Variants in TMEM132C observed in about 807,000 individuals in gnomAD.
TMEM132C encodes the protein protein phosphatase 1, regulatory subunit 152.
Under a neutral mutation model 61.4 loss-of-function variants are expected in TMEM132C, and 29 were observed. The ratio of observed to expected loss-of-function variants is 0.47; its 90% CI spans 0.35 to 0.64. The LOEUF is 0.64. Among genes scored for constraint, TMEM132C ranks in the 30% least tolerant of loss-of-function variants. TMEM132C has a pLI of 0.00. For missense variants in TMEM132C, 1,408 were observed against 1,476.9 expected, an observed-to-expected ratio of 0.95 and a Z score of 0.76; for synonymous variants, 656 against 633.1, an observed-to-expected ratio of 1.04 and a Z score of -0.54.
At chr12:128,485,352 T>G (rs1192969718) in intron 2 of TMEM132C, among the ~76,000 whole-genome samples, 1 of 152,128 alleles carries the variant, frequency 6.6e-6, no homozygotes. Context: ...AATTTTTGTA[T>G]TTTTATTACA....
At position 128,706,025 on chromosome 12, in the gene TMEM132C, G is replaced by A; in HGVS notation, c.3057G>A (p.Lys1019=). The part of the protein sequence containing the change: ...NHLLLNGGSH[K]HVQSQIHRSA... The stretch of plus-strand genomic sequence containing the variant: ...TCCTGCTCAATGGTGGCTCCCACAA[G>A]CACGTGCAGAGCCAGATTCACAGGT... Residue 1019 remains lysine, a synonymous_variant, in exon 9 of 9, where the codon AAG becomes AAA. Transcript: ENST00000435159. 1 of 1,551,728 alleles carries A rather than the reference G, an allele frequency of 6.4e-7. No homozygotes were observed. Among genetic ancestry groups the A allele is most frequent in the Non-Finnish European group, 8.7e-7 (1 of 1,146,992 alleles).
At chr12:128,317,427 A>G (rs1872190080) in intron 1 of TMEM132C, among the ~76,000 whole-genome samples, 1 of 152,240 alleles carries the variant, frequency 6.6e-6, no homozygotes, top group African/African-American at 2.4e-5. Context: ...ATGAAGGAAG[A>G]AAACTGGGCA....
chr12:128,629,661 C>A (rs1954049298), intron 4 of TMEM132C, among the ~76,000 whole-genome samples: 1 of 152,056 alleles, frequency 6.6e-6, no homozygotes, highest in African/African-American at 2.4e-5. Flanking sequence ...TAGTCGACAA[C>A]ACTGAATTCT....
intron 1 of TMEM132C, among the ~76,000 whole-genome samples, chr12:128,335,913 G>T (rs990387523): frequency 1.3e-5 from 2 of 152,158 alleles, no homozygotes; most frequent in Non-Finnish European, 2.9e-5. Flanking sequence ...TAATTATTTT[G>T]TTGGAAACAC....
chr12:128,440,778 T>G (rs1465677562), intron 2 of TMEM132C, among the ~76,000 whole-genome samples: 1 of 152,142 alleles, frequency 6.6e-6, no homozygotes, highest in Non-Finnish European at 1.5e-5. Context: ...GCCAGGCACG[T>G]TGGCTCACAC....
intron 1 of TMEM132C, among the ~76,000 whole-genome samples, chr12:128,290,579 T>C (rs1566044039): frequency 6.6e-6 from 1 of 152,152 alleles, no homozygotes; most frequent in Non-Finnish European, 1.5e-5. Context: ...TATAGCCCCA[T>C]TGAATTGTCA....
chr12:128,473,404 ACTCCAGCCTCCATCTTCATCTTTG>A, intron 2 of TMEM132C, among the ~76,000 whole-genome samples: 1 of 146,336 alleles, frequency 6.8e-6, no homozygotes, highest in African/African-American at 2.6e-5. Flanking sequence ...CTTCATTTTC[ACTCCAGCCTCCATCTTCATCTTTG>A]CTCCAGCCTC....
intron 3 of TMEM132C, among the ~76,000 whole-genome samples, chr12:128,593,099 T>G (rs1418590030): frequency 6.6e-6 from 1 of 151,722 alleles, no homozygotes; most frequent in Non-Finnish European, 1.5e-5. Context: ...TTACCTCTCT[T>G]TCTTCTCTCT....
chr12:128,645,853 G>A (rs1954192472), intron 4 of TMEM132C, among the ~76,000 whole-genome samples: 1 of 152,180 alleles, frequency 6.6e-6, no homozygotes, highest in South Asian at 2.1e-4. Context: ...GTCTACTGGA[G>A]TCCATCAGTG....
chr12:128,495,591 C>T (rs989156263), intron 2 of TMEM132C, among the ~76,000 whole-genome samples: 2 of 152,114 alleles, frequency 1.3e-5, no homozygotes, highest in African/African-American at 4.8e-5. Flanking sequence ...ATGTAATGGC[C>T]TTCTTTGTCT....
At chr12:128,386,514 G>T (rs1381953067) in intron 1 of TMEM132C, among the ~76,000 whole-genome samples, 1 of 152,152 alleles carries the variant, frequency 6.6e-6, no homozygotes. Flanking sequence ...CATGGTTGTG[G>T]AGAATTAACT....
chr12:128,410,640 G>A (rs928962953), intron 1 of TMEM132C, among the ~76,000 whole-genome samples: 7 of 152,030 alleles, frequency 4.6e-5, no homozygotes, highest in African/African-American at 9.7e-5. Flanking sequence ...TCTTGACCTC[G>A]TGATCCACCC....
intron 2 of TMEM132C, among the ~76,000 whole-genome samples, chr12:128,443,643 A>G (rs970230661): frequency 5.3e-5 from 8 of 152,122 alleles, no homozygotes; most frequent in African/African-American, 1.9e-4. Flanking sequence ...CTCTCTCTGG[A>G]TGGCTCTGAT....
chr12:128,555,571 G>GT (rs546249175), intron 3 of TMEM132C, among the ~76,000 whole-genome samples: 1 of 152,340 alleles, frequency 6.6e-6, no homozygotes, highest in South Asian at 2.1e-4. Flanking sequence ...TGATACACAA[G>GT]TTGTGTGGGT....
At chr12:128,329,093 A>G (rs1391450573) in intron 1 of TMEM132C, among the ~76,000 whole-genome samples, 1 of 152,126 alleles carries the variant, frequency 6.6e-6, no homozygotes, top group Non-Finnish European at 1.5e-5. Context: ...TCTTTGAGTG[A>G]CAAATCCAGC....
intron 2 of TMEM132C, among the ~76,000 whole-genome samples, chr12:128,507,280 T>C (rs951671034): frequency 1.3e-5 from 2 of 152,016 alleles, no homozygotes; most frequent in African/African-American, 4.8e-5. Context: ...TGGGAAATGC[T>C]GGACCGTGCA....
At chr12:128,536,250 A>T (rs1267281530) in intron 2 of TMEM132C, among the ~76,000 whole-genome samples, 6 of 152,318 alleles carry the variant, frequency 3.9e-5, no homozygotes, top group African/African-American at 7.2e-5. Flanking sequence ...AGGGACATAG[A>T]TGATGCTGGA....
chr12:128,603,383 A>G (rs753788957), intron 3 of TMEM132C, among the ~76,000 whole-genome samples: 1 of 152,186 alleles, frequency 6.6e-6, no homozygotes, highest in Non-Finnish European at 1.5e-5. Context: ...GGTCTAACCA[A>G]GAGAACAGAT....
chr12:128,520,966 T>G (rs764973819), intron 2 of TMEM132C, among the ~76,000 whole-genome samples: 10 of 152,060 alleles, frequency 6.6e-5, no homozygotes, highest in Admixed American at 2.0e-4. Context: ...TGCCTCTAGC[T>G]TCCCTATCTT....
Sources: allele counts gnomAD v4.1 joint callset (sites outside exome capture counted in the v4.1 genomes callset), GRCh38; gene constraint gnomAD v4.1.1; transcripts MANE v1.5; gene names NCBI Gene and HGNC (gene_info 2026-07-23, HGNC 2026-07-21).